Variants in PER2 observed in about 807,000 individuals in gnomAD.
PER2 encodes the protein period circadian regulator 2.
Under a neutral mutation model 121.0 loss-of-function variants are expected in PER2, and 66 were observed. The ratio of observed to expected loss-of-function variants is 0.55; its 90% CI spans 0.45 to 0.67. The LOEUF (loss-of-function observed/expected upper bound fraction) is 0.67. Among genes scored for constraint, PER2 ranks in the 30% least tolerant of loss-of-function variants. PER2 has a pLI of 0.00. For missense variants in PER2, 1,521 were observed against 1,635.0 expected, an observed-to-expected ratio of 0.93 and a Z score of 1.20; for synonymous variants, 684 against 659.9, an observed-to-expected ratio of 1.04 and a Z score of -0.56.
At chr2:238,269,450 G>A (rs1227430153) in intron 6 of PER2, among the ~76,000 whole-genome samples, 1 of 115,480 alleles carries the variant, frequency 8.7e-6, no homozygotes, top group Non-Finnish European at 1.7e-5. Context: ...GTGCACTGCT[G>A]CAAACACACC....
upstream of PER2, chr2:238,289,920 G>C (rs1696918780): frequency 6.6e-6 from 1 of 152,256 alleles, no homozygotes; most frequent in Admixed American, 6.5e-5. Flanking sequence ...GAGCTTTCAG[G>C]CTCCCACGCA....
intron 1 of PER2, 123 bp downstream of exon 1, chr2:238,288,226 C>T (rs903285840): frequency 6.6e-6 from 1 of 152,294 alleles, no homozygotes; most frequent in African/African-American, 2.4e-5. Flanking sequence ...GCTGCGCTGA[C>T]CCTTGGTTTC....
At chr2:238,270,635 C>T (rs1026996034) in intron 6 of PER2, among the ~76,000 whole-genome samples, 1 of 152,194 alleles carries the variant, frequency 6.6e-6, no homozygotes, top group Non-Finnish European at 1.5e-5. Context: ...TCAGAGGCAC[C>T]GGCAGAGGCC....
chr2:238,295,441 CA>C, the PER2 span: 1 of 152,068 alleles, frequency 6.6e-6, no homozygotes, highest in Non-Finnish European at 1.5e-5. Context: ...AATCATAGCT[CA>C]GTGAAGCCTC....
chr2:238,280,585 A>G (rs1439046628), intron 1 of PER2, among the ~76,000 whole-genome samples: 1 of 152,208 alleles, frequency 6.6e-6, no homozygotes, highest in Admixed American at 6.5e-5. Context: ...AGAATGGAAA[A>G]CTAGAAAGGA....
intron 22 of PER2, among the ~76,000 whole-genome samples, chr2:238,247,074 G>T (rs1376618508): frequency 6.6e-6 from 1 of 152,160 alleles, no homozygotes; most frequent in Non-Finnish European, 1.5e-5. Flanking sequence ...TTCACAGCAG[G>T]CCAAAGAAAA....
chr2:238,267,472 T>C (rs1289376534), intron 8 of PER2, among the ~76,000 whole-genome samples: 1 of 152,150 alleles, frequency 6.6e-6, no homozygotes, highest in East Asian at 1.9e-4. Flanking sequence ...ATGCTGGGCA[T>C]ACAGAGGCAC....
rs375456782 is a variant in PER2, at chr2:238,246,379, G to A, written c.3764C>T (p.Thr1255Met). The change falls in exon 23 of 23, where the codon ACG becomes ATG. Residue 1255 changes from threonine (T) to methionine (M), a missense_variant. Transcript: ENST00000254657. ...CGGGCTGAGGTGGGGCAGGGGTTAC[G>A]TCTGCTCTTCGATCCTGTGATTCAA... is the stretch of plus-strand genomic sequence containing the variant. ...SPLNHRIEEQ[T>M] 1.3e-5 allele frequency: 21 copies of A among 1,606,256 alleles called. No homozygotes were observed. Among genetic ancestry groups the A allele is most frequent in the South Asian group, 3.3e-5 (3 of 90,150 alleles).
chr2:238,294,265 G>T (rs1173952092), upstream of PER2, among the ~76,000 whole-genome samples: 4 of 152,216 alleles, frequency 2.6e-5, no homozygotes, highest in Admixed American at 2.0e-4. Context: ...CAAGGCTGTT[G>T]CCTCAGTGTG....
intron 18 of PER2, chr2:238,255,125 A>C (rs1695722225): frequency 1.8e-5 from 3 of 168,184 alleles, no homozygotes; most frequent in South Asian, 3.0e-4. Flanking sequence ...CAACCCCCCA[A>C]GTGGCACCTG....
intron 6 of PER2, among the ~76,000 whole-genome samples, chr2:238,270,219 T>C (rs1219057030): frequency 6.6e-6 from 1 of 152,258 alleles, no homozygotes; most frequent in African/African-American, 2.4e-5. Flanking sequence ...ATTTTTGGGA[T>C]AGTCAGTTCT....
At chr2:238,269,041 C>A in intron 6 of PER2, 67 bp from the exon 7 acceptor site, 1 of 1,235,834 alleles carries the variant, frequency 8.1e-7, no homozygotes, top group South Asian at 1.2e-5. Flanking sequence ...TCATTTCTCA[C>A]AAACAAAAGA....
upstream of PER2, among the ~76,000 whole-genome samples, chr2:238,292,761 A>G (rs1275203389): frequency 4.8e-5 from 7 of 147,306 alleles, no homozygotes; most frequent in South Asian, 1.1e-3. Flanking sequence ...TTTTTAAGAC[A>G]GAGTCTCACT....
intron 12 of PER2, 54 bp from the exon 13 acceptor site, chr2:238,261,007 A>G (rs1695910822): frequency 6.3e-7 from 1 of 1,591,740 alleles, no homozygotes; most frequent in Admixed American, 1.7e-5. Flanking sequence ...TGAGCTATGC[A>G]TGTGGCCCCC....
chr2:238,272,520 T>C (rs529872438), intron 5 of PER2, among the ~76,000 whole-genome samples: 215 of 152,346 alleles, frequency 1.4e-3, no homozygotes, highest in African/African-American at 4.4e-3. Context: ...AGCCCTGTTA[T>C]GAGGCCAGCT....
At chr2:238,269,052 G>A in intron 6 of PER2, 78 bp from the exon 7 acceptor site, 1 of 1,127,474 alleles carries the variant, frequency 8.9e-7, no homozygotes, top group Non-Finnish European at 1.4e-6. Flanking sequence ...AAACAAAAGA[G>A]GAGCAGCAGA....
In PER2 at chr2:238,273,112, C is replaced by T. The variant is rs747216587; in HGVS notation, c.528G>A (p.Glu176=). 6 of 1,613,988 alleles carry T rather than the reference C, an allele frequency of 3.7e-6. No individual in the cohort carries two copies. Among genetic ancestry groups the T allele is most frequent in the South Asian group, 2.2e-5 (2 of 91,084 alleles). The change falls in exon 5 of 23, where the codon GAG becomes GAA. Residue 176 remains glutamate (E), a synonymous_variant. Transcript: ENST00000254657. ...CGADVPSYTV[E]EMESVTSEHI... The stretch of plus-strand genomic sequence containing the variant: ...GCTCAGAGGTAACGCTCTCCATCTC[C>T]TCCACGGTGTAGGAGGGCACGTCTG...
upstream of PER2, among the ~76,000 whole-genome samples, chr2:238,291,600 C>G (rs114811010): frequency 9.5e-4 from 144 of 152,342 alleles, 1 homozygote; most frequent in African/African-American, 3.4e-3. Context: ...GGGACACTGT[C>G]AAGCTTTCTG....
intron 18 of PER2, 172 bp downstream of exon 18, chr2:238,255,485 C>G (rs568958352): frequency 9.7e-6 from 7 of 722,142 alleles, no homozygotes; most frequent in Non-Finnish European, 1.5e-5. Context: ...AGCACCCCCC[C>G]GGTGGGAAGT....
Sources: allele counts gnomAD v4.1 joint callset (sites outside exome capture counted in the v4.1 genomes callset), GRCh38; gene constraint gnomAD v4.1.1; transcripts MANE v1.5; gene names NCBI Gene and HGNC (gene_info 2026-07-23, HGNC 2026-07-21).